Variants in NTRK2 observed in about 807,000 individuals in gnomAD.
NTRK2 encodes BDNF/NT-3 growth factors receptor.
A neutral mutation model predicts 94.5 loss-of-function variants in NTRK2; 13 were observed. That is an observed-to-expected ratio of 0.14 (90% CI 0.09 to 0.22). The LOEUF (loss-of-function observed/expected upper bound fraction) is 0.22. Among genes scored for constraint, NTRK2 ranks in the 10% least tolerant of loss-of-function variants. The pLI is 1.00. For synonymous variants in NTRK2, 372 were observed against 407.4 expected (o/e 0.91, Z 1.05); for missense variants, 639 against 1,071.2 (o/e 0.60, Z 5.63).
intron 12 of NTRK2, among the ~76,000 whole-genome samples, chr9:84,826,162 G>A (rs575270286): frequency 3.2e-4 from 49 of 152,300 alleles, no homozygotes; most frequent in Non-Finnish European, 6.5e-4. Flanking sequence ...TACAACAACA[G>A]AAATTTATTC....
At chr9:84,698,555 A>G (rs757768377) in intron 2 of NTRK2, among the ~76,000 whole-genome samples, 1 of 152,152 alleles carries the variant, frequency 6.6e-6, no homozygotes, top group Non-Finnish European at 1.5e-5. Context: ...TTGGATGAAT[A>G]CCTGGAATAG....
At chr9:84,947,063 C>A (rs2586567) in intron 15 of NTRK2, among the ~76,000 whole-genome samples, 101,885 of 152,016 alleles carry the variant, frequency 0.67, 35,551 homozygotes, top group Non-Finnish European at 0.78. Context: ...TCAAGTGATT[C>A]TTCTACCTCA....
chr9:84,678,084 T>A (rs2059170620), intron 2 of NTRK2, among the ~76,000 whole-genome samples: 1 of 152,244 alleles, frequency 6.6e-6, no homozygotes, highest in African/African-American at 2.4e-5. Context: ...GTGTGTACCG[T>A]GTTTTCATCA....
At chr9:84,992,321 C>G (rs1180623069) in intron 17 of NTRK2, among the ~76,000 whole-genome samples, 1 of 151,786 alleles carries the variant, frequency 6.6e-6, no homozygotes, top group Non-Finnish European at 1.5e-5. Flanking sequence ...GAAAATCTGT[C>G]TGGAAGGGAG....
At chr9:84,936,255 C>T (rs1387242543) in intron 15 of NTRK2, among the ~76,000 whole-genome samples, 2 of 152,236 alleles carry the variant, frequency 1.3e-5, no homozygotes, top group East Asian at 3.8e-4. Flanking sequence ...CTTCTCTGTA[C>T]TTCTTGCAAT....
intron 9 of NTRK2, among the ~76,000 whole-genome samples, chr9:84,731,441 T>C: frequency 6.6e-6 from 1 of 151,982 alleles, no homozygotes; most frequent in South Asian, 2.1e-4. Flanking sequence ...GTCTCAAAAA[T>C]AAAACGTAAA....
intron 17 of NTRK2, among the ~76,000 whole-genome samples, chr9:84,963,272 A>C (rs192672643): frequency 7.0e-4 from 107 of 152,368 alleles, no homozygotes; most frequent in Middle Eastern, 6.8e-3. Context: ...CTCACTCGCC[A>C]GAGATCAATG....
chr9:84,784,651 A>C (rs2067945807), intron 12 of NTRK2, among the ~76,000 whole-genome samples: 1 of 152,168 alleles, frequency 6.6e-6, no homozygotes, highest in Non-Finnish European at 1.5e-5. Flanking sequence ...CATGCTGCAC[A>C]CTCAACAAAT....
At chr9:84,741,199 G>A (rs936819599) in intron 9 of NTRK2, among the ~76,000 whole-genome samples, 5 of 152,126 alleles carry the variant, frequency 3.3e-5, no homozygotes, top group African/African-American at 1.2e-4. Context: ...AGAATATTTT[G>A]ATCATCTTGG....
chr9:84,724,536 C>G (rs981490988), intron 8 of NTRK2, among the ~76,000 whole-genome samples, 180 bp downstream of exon 8: 1 of 152,174 alleles, frequency 6.6e-6, no homozygotes, highest in African/African-American at 2.4e-5. Flanking sequence ...TGCTTAATAA[C>G]TCTTGCTCAT....
chr9:84,685,157 T>A (rs1379591690), intron 2 of NTRK2, among the ~76,000 whole-genome samples: 1 of 152,102 alleles, frequency 6.6e-6, no homozygotes, highest in South Asian at 2.1e-4. Context: ...TAACAATTGT[T>A]TTATTATTTT....
chr9:85,015,866 A>C (rs1167098853), intron 17 of NTRK2, among the ~76,000 whole-genome samples: 1 of 152,206 alleles, frequency 6.6e-6, no homozygotes, highest in East Asian at 1.9e-4. Context: ...CTGGCTGAAC[A>C]CAGAGTGTGT....
chr9:84,860,965 C>T (rs921038412), intron 12 of NTRK2, 75 bp from the exon 13 acceptor site: 1 of 990,778 alleles, frequency 1.0e-6, no homozygotes, highest in Non-Finnish European at 1.6e-6. Flanking sequence ...CATTATTTGA[C>T]CAAGGACAGT....
At chr9:84,670,078 A>G (rs1479508651) in intron 1 of NTRK2, among the ~76,000 whole-genome samples, 190 bp downstream of exon 1, 1 of 151,744 alleles carries the variant, frequency 6.6e-6, no homozygotes, top group Non-Finnish European at 1.5e-5. Context: ...CAGTCTCCGC[A>G]TTCCCCTTTA....
intron 17 of NTRK2, among the ~76,000 whole-genome samples, chr9:84,986,283 G>C (rs1181643805): frequency 1.3e-5 from 2 of 152,126 alleles, no homozygotes; most frequent in African/African-American, 2.4e-5. Flanking sequence ...CAAAGGACCA[G>C]TTTTGTGGAA....
At chr9:84,928,755 G>A (rs1050252053) in intron 14 of NTRK2, among the ~76,000 whole-genome samples, 1 of 152,184 alleles carries the variant, frequency 6.6e-6, no homozygotes, top group Non-Finnish European at 1.5e-5. Context: ...AGATGGAACT[G>A]CTAAAGGCAG....
intron 6 of NTRK2, among the ~76,000 whole-genome samples, chr9:84,713,983 T>A (rs10081630): frequency 0.091 from 13,845 of 152,088 alleles, 1,121 homozygotes; most frequent in African/African-American, 0.21. Context: ...TGATTTGCTC[T>A]ATGTATTCTT....
chr9:84,794,225 A>G (rs1480546849), intron 12 of NTRK2, among the ~76,000 whole-genome samples: 1 of 152,224 alleles, frequency 6.6e-6, no homozygotes, highest in Non-Finnish European at 1.5e-5. Context: ...TTAATCTATG[A>G]AAATACAAAA....
intron 12 of NTRK2, chr9:84,811,031 TA>T: frequency 9.2e-7 from 1 of 1,088,780 alleles, no homozygotes; most frequent in Non-Finnish European, 1.1e-6. Flanking sequence ...CTGAATAGTC[TA>T]ATCTACATGT....
Sources: allele counts gnomAD v4.1 joint callset (sites outside exome capture counted in the v4.1 genomes callset), GRCh38; gene constraint gnomAD v4.1.1; transcripts MANE v1.5; gene names NCBI Gene and HGNC (gene_info 2026-07-23, HGNC 2026-07-21).